TNNI3K: variants seen among roughly 807,000 people sequenced by gnomAD.
TNNI3K encodes the protein TNNI3 interacting kinase, also known as serine/threonine-protein kinase TNNI3K.
Under a neutral mutation model 114.5 loss-of-function variants are expected in TNNI3K, and 140 were observed. That is an observed-to-expected ratio of 1.22 (90% CI 1.07 to 1.41). TNNI3K has a LOEUF of 1.41. TNNI3K is among the 40% of genes most tolerant of loss of function. The pLI is 0.00. For synonymous variants in TNNI3K, 347 were observed against 347.5 expected (o/e 1.00, Z 0.02); for missense variants, 1,125 against 1,007.6 (o/e 1.12, Z -1.58).
intron 11 of TNNI3K, among the ~76,000 whole-genome samples, chr1:74,365,350 T>C (rs1662213466): frequency 6.6e-6 from 1 of 152,084 alleles, no homozygotes; most frequent in Non-Finnish European, 1.5e-5. Flanking sequence ...TCTACATCAG[T>C]CGCAGTCAAA....
intron 23 of TNNI3K, among the ~76,000 whole-genome samples, chr1:74,515,902 A>G (rs1025052996): frequency 6.6e-6 from 1 of 152,242 alleles, no homozygotes; most frequent in African/African-American, 2.4e-5. Context: ...AATGCCCCAT[A>G]GTGCCAGTTT....
At chr1:74,491,998 T>C (rs1669101852) in intron 22 of TNNI3K, 99 bp from the exon 23 acceptor site, 7 of 1,369,234 alleles carry the variant, frequency 5.1e-6, no homozygotes, top group African/African-American at 2.9e-5. Context: ...AATTAAAATA[T>C]GGGAAACCTT....
At position 74,261,255 on chromosome 1, in the gene TNNI3K, C is replaced by T. The variant is rs1655654633; in HGVS notation, c.334-10343C>T. On this transcript the variant is annotated intron_variant, in intron 4 of 24. Coordinates refer to ENST00000326637, the MANE Select transcript of TNNI3K (RefSeq NM_015978.3). ...TTGGCTCACATAAGCTACAGCACAT[C>T]CCCAATAACTAAAAGCTAAGAAAAA... Among the ~76,000 whole-genome samples, 4 of 151,796 alleles carry T rather than the reference C, an allele frequency of 2.6e-5. No individual in the cohort carries two copies. The South Asian group carries it at 8.3e-4, about 31-fold the overall frequency.
At chr1:74,512,901 T>A (rs1052208736) in intron 23 of TNNI3K, among the ~76,000 whole-genome samples, 1 of 152,232 alleles carries the variant, frequency 6.6e-6, no homozygotes, top group African/African-American at 2.4e-5. Context: ...GGGGTCACTA[T>A]GTGATCACCT....
In TNNI3K at chr1:74,511,033, G is replaced by A. The variant is rs1054885591; in HGVS notation, c.2351+18767G>A. ...CTCCCAAGTAGCTGGAATTACAGGC[G>A]TCTGCCACCATGCCCAGCTAATGTT... On this transcript the variant is annotated intron_variant, in intron 23 of 24. Coordinates refer to ENST00000326637, the MANE Select transcript of TNNI3K (RefSeq NM_015978.3). Among the ~76,000 whole-genome samples the A allele has an allele frequency of 4.5e-4, 68 of 150,808 alleles. 1 individual carries two copies. Among genetic ancestry groups the A allele is most frequent in the Admixed American group, 5.3e-4 (8 of 15,104 alleles).
intron 23 of TNNI3K, among the ~76,000 whole-genome samples, chr1:74,497,904 A>G (rs1163505834): frequency 6.6e-6 from 1 of 152,174 alleles, no homozygotes; most frequent in Non-Finnish European, 1.5e-5. Context: ...CATACGTTCC[A>G]GTGGTTCTAA....
At chr1:74,448,112 G>A (rs1477174744) in intron 20 of TNNI3K, among the ~76,000 whole-genome samples, 1 of 94,886 alleles carries the variant, frequency 1.1e-5, no homozygotes, top group Admixed American at 1.1e-4. Flanking sequence ...GACTGTGGTG[G>A]GGTCGGGGGA....
At chr1:74,447,221 C>T (rs1447329683) in intron 20 of TNNI3K, among the ~76,000 whole-genome samples, 1 of 150,040 alleles carries the variant, frequency 6.7e-6, no homozygotes, top group African/African-American at 2.5e-5. Flanking sequence ...TTTCTTTGAG[C>T]AGTGGTTTGT....
intron 11 of TNNI3K, 66 bp downstream of exon 11, chr1:74,354,195 C>A (rs1661539633): frequency 6.3e-6 from 10 of 1,586,098 alleles, no homozygotes; most frequent in Non-Finnish European, 8.6e-6. Flanking sequence ...TATGTCAGTG[C>A]ATCAATAATT....
At chr1:74,460,728 A>G (rs1462722080) in intron 20 of TNNI3K, among the ~76,000 whole-genome samples, 1 of 152,212 alleles carries the variant, frequency 6.6e-6, no homozygotes, top group Non-Finnish European at 1.5e-5. Context: ...TGACCCCCTC[A>G]TGTTACATTG....
In TNNI3K at chr1:74,250,818, G is replaced by A. The variant is rs199668679; in HGVS notation, c.333+49G>A. The A allele has an allele frequency of 6.9e-5, 72 of 1,047,036 alleles. No individual in the cohort carries two copies. The African/African-American group carries it at 1.2e-3, about 17-fold the overall frequency. The allele number at this position is 1,047,036 out of a possible 1,614,324, so 64.9% of individuals were successfully genotyped here. A position where few individuals can be genotyped will look rare whatever the true frequency, so the allele number is the denominator to read the frequency against. On this transcript the variant is annotated intron_variant, in intron 4 of 24. Transcript: ENST00000326637. ...ACACTGCATTGGAACTAAGGATAGT[G>A]TGTATCTTTAGGCTTTTTTTTTTTT... is the stretch of plus-strand genomic sequence containing the variant.
chr1:74,402,019 AAACTT>A (rs750336639), intron 17 of TNNI3K: 7 of 251,846 alleles, frequency 2.8e-5, no homozygotes, highest in Non-Finnish European at 5.5e-5. Context: ...ATTGAATAAT[AAACTT>A]AAGTTGGAAT....
chr1:74,338,948 C>T (rs74096705), intron 7 of TNNI3K, among the ~76,000 whole-genome samples: 2,519 of 152,188 alleles, frequency 0.017, 67 homozygotes, highest in African/African-American at 0.057. Flanking sequence ...AGAATAGGCA[C>T]AGGTACACCT....
At chr1:74,489,098 C>A in intron 21 of TNNI3K, 91 bp from the exon 22 acceptor site, 3 of 1,035,040 alleles carry the variant, frequency 2.9e-6, no homozygotes, top group South Asian at 3.1e-5. Context: ...TAATCTCATT[C>A]TTTACAAATG....
intron 5 of TNNI3K, among the ~76,000 whole-genome samples, chr1:74,297,400 A>T (rs939115277): frequency 2.0e-5 from 3 of 152,042 alleles, no homozygotes; most frequent in Non-Finnish European, 2.9e-5. Flanking sequence ...AGCCCTCATG[A>T]TGGAATTAAG....
At chr1:74,493,703 A>G (rs1200500508) in intron 23 of TNNI3K, among the ~76,000 whole-genome samples, 1 of 152,194 alleles carries the variant, frequency 6.6e-6, no homozygotes, top group Non-Finnish European at 1.5e-5. Flanking sequence ...CCTTGGGTCT[A>G]TCAACCTCCT....
chr1:74,336,290 T>C, intron 7 of TNNI3K, 141 bp downstream of exon 7: 1 of 1,107,976 alleles, frequency 9.0e-7, no homozygotes, highest in Non-Finnish European at 1.2e-6. Context: ...TCATAATTCA[T>C]CTTTAATATA....
At chr1:74,515,048 C>T (rs1243493774) in intron 23 of TNNI3K, among the ~76,000 whole-genome samples, 2 of 152,144 alleles carry the variant, frequency 1.3e-5, no homozygotes, top group Non-Finnish European at 2.9e-5. Context: ...GTAGCCCTCA[C>T]CAGAAACTAG....
At chr1:74,412,232 A>T (rs1664914449) in intron 17 of TNNI3K, among the ~76,000 whole-genome samples, 1 of 152,046 alleles carries the variant, frequency 6.6e-6, no homozygotes, top group Non-Finnish European at 1.5e-5. Context: ...TATGTAATTA[A>T]TTCCATTATT....
Sources: allele counts gnomAD v4.1 joint callset (sites outside exome capture counted in the v4.1 genomes callset), GRCh38; gene constraint gnomAD v4.1.1; transcripts MANE v1.5; gene names NCBI Gene and HGNC (gene_info 2026-07-23, HGNC 2026-07-21).